TRHR: variants seen among roughly 807,000 people sequenced by gnomAD.
TRHR encodes thyrotropin-releasing hormone receptor.
Under a neutral mutation model 28.0 loss-of-function variants are expected in TRHR, and 14 were observed. The observed-to-expected ratio is 0.50, with a 90% CI of 0.33 to 0.78. TRHR has a LOEUF of 0.78. Ranked by LOEUF, TRHR falls within the 30% of genes least tolerant of loss-of-function variation. The pLI is 0.02. For synonymous variants in TRHR, 176 were observed against 171.9 expected, an observed-to-expected ratio of 1.02 and a Z score of -0.18; for missense variants, 438 against 469.5, an observed-to-expected ratio of 0.93 and a Z score of 0.62.
chr8:109,117,027 G>C lies in TRHR; in HGVS notation c.790-2021G>C, dbSNP rs994834254. ...CACTGACATTCCGTGAAAAGAGGCA[G>C]GTAGGTATTACTTGTGGATTCAACA... On this transcript the variant is annotated intron_variant, in intron 2 of 2. Coordinates refer to ENST00000518632, the MANE Select transcript of TRHR (RefSeq NM_003301.7). 2.6e-5 allele frequency among the ~76,000 whole-genome samples: 4 copies of C among 152,092 alleles called. No individual in the cohort carries two copies. In the East Asian group the frequency reaches 5.8e-4, roughly 22 times the overall value.
chr8:109,093,788 ACT>A (rs1811548985), intron 2 of TRHR, among the ~76,000 whole-genome samples: 3 of 151,830 alleles, frequency 2.0e-5, no homozygotes, highest in African/African-American at 7.3e-5. Context: ...ATAATGACCT[ACT>A]GCAAAATTTT....
rs1811961519 is a variant in TRHR, at chr8:109,119,063, G to A, written c.805G>A (p.Ala269Thr). Reference protein sequence around the residue: ...SSRKQVTKMLAVVVILFALLW... With the variant: ...SSRKQVTKMLTVVVILFALLW... ...TTCTCCCTAGGTCACCAAGATGCTG[G>A]CAGTGGTTGTAATTCTGTTTGCCCT... Residue 269 changes from alanine (A) to threonine (T), a missense_variant, in exon 3 of 3, where the codon GCA (alanine) becomes ACA (threonine). Ala to Thr is a moderately conservative substitution (Grantham distance 58). Coordinates refer to ENST00000518632, the MANE Select transcript of TRHR (RefSeq NM_003301.7). 6.2e-7 allele frequency: 1 copy of A among 1,612,586 alleles called. No homozygotes were observed. The highest frequency in any genetic ancestry group is 8.5e-7 in the Non-Finnish European group (1 of 1,179,042).
chr8:109,115,341 G>A (rs1338032414), intron 2 of TRHR, among the ~76,000 whole-genome samples: 3 of 152,138 alleles, frequency 2.0e-5, no homozygotes, highest in Non-Finnish European at 4.4e-5. Context: ...TTCCAGTTCT[G>A]TGAAGAAAGT....
chr8:109,087,907 A>C lies in TRHR; in HGVS notation c.395A>C (p.Lys132Thr). 1 of 1,614,174 alleles carries C rather than the reference A, an allele frequency of 6.2e-7. No individual in the cohort carries two copies. The highest frequency in any genetic ancestry group is 8.5e-7 in the Non-Finnish European group (1 of 1,180,036). Reference protein sequence around the residue: ...ERYIAICHPIKAQFLCTFSRA... With the variant: ...ERYIAICHPITAQFLCTFSRA... ...TACATAGCAATCTGTCACCCCATCA[A>C]AGCCCAGTTTCTCTGCACATTTTCC... Residue 132 changes from lysine (K) to threonine (T), a missense_variant, in exon 2 of 3, where the codon AAA becomes ACA. Coordinates refer to ENST00000518632, the MANE Select transcript of TRHR (RefSeq NM_003301.7).
At chr8:109,094,758 A>G (rs1363184874) in intron 2 of TRHR, among the ~76,000 whole-genome samples, 1 of 151,878 alleles carries the variant, frequency 6.6e-6, no homozygotes, top group East Asian at 2.0e-4. Context: ...TGAATAATTG[A>G]GCAATAATTT....
chr8:109,090,191 A>T (rs1337830947), intron 2 of TRHR, among the ~76,000 whole-genome samples: 2 of 152,224 alleles, frequency 1.3e-5, no homozygotes, highest in African/African-American at 4.8e-5. Context: ...AATATCCAAG[A>T]TCAGTGTAAG....
In TRHR at chr8:109,120,263, T is replaced by C. The variant is rs537163818; in HGVS notation, c.*808T>C. On this transcript the variant is annotated 3_prime_UTR_variant, in exon 3 of 3. Transcript: ENST00000518632. Reference sequence around the variant, plus strand: ...AACATACAATTAAATTTGAAAAGTATAGTCAAGACAAAGCAAGTATTTATA... The same window carrying C: ...AACATACAATTAAATTTGAAAAGTACAGTCAAGACAAAGCAAGTATTTATA... Among the ~76,000 whole-genome samples, 1 of 151,920 alleles carries C rather than the reference T, an allele frequency of 6.6e-6. No homozygotes were observed. Among genetic ancestry groups the C allele is most frequent in the Non-Finnish European group, 1.5e-5 (1 of 67,900 alleles).
intron 2 of TRHR, among the ~76,000 whole-genome samples, chr8:109,092,389 C>A (rs3134110): frequency 0.6 from 90,991 of 150,718 alleles, 27,613 homozygotes; most frequent in South Asian, 0.73. Context: ...GAAACAGAAA[C>A]AACTTTCCTT....
At position 109,120,006 on chromosome 8, in the gene TRHR, T is replaced by A. The variant is rs946252347; in HGVS notation, c.*551T>A. Among the ~76,000 whole-genome samples, 2 of 151,928 alleles carry A rather than the reference T, an allele frequency of 1.3e-5. No homozygotes were observed. Among genetic ancestry groups the A allele is most frequent in the African/African-American group, 4.8e-5 (2 of 41,420 alleles). The stretch of plus-strand genomic sequence containing the variant: ...TTTTAGACATACATGTTAACTGTAT[T>A]TTAAAAGTTGCCATAATGTTTATAA... On this transcript the variant is annotated 3_prime_UTR_variant, in exon 3 of 3. Coordinates refer to ENST00000518632, the MANE Select transcript of TRHR (RefSeq NM_003301.7).
At chr8:109,109,162 C>G (rs1253649415) in intron 2 of TRHR, among the ~76,000 whole-genome samples, 2 of 152,246 alleles carry the variant, frequency 1.3e-5, no homozygotes, top group East Asian at 1.9e-4. Context: ...GTTAGTTTTT[C>G]ATTCTCCCTG....
chr8:109,119,055 A>C lies in TRHR; in HGVS notation c.797A>C (p.Lys266Thr). Reference protein sequence around the residue: ...STVSSRKQVTKMLAVVVILFA... With the variant: ...STVSSRKQVTTMLAVVVILFA... ...CTCTCTATTTCTCCCTAGGTCACCA[A>C]GATGCTGGCAGTGGTTGTAATTCTG... The change falls in exon 3 of 3, where the codon AAG (lysine) becomes ACG (threonine). Residue 266 changes from lysine (K) to threonine (T), a missense_variant. Physicochemically the swap from Lys to Thr is moderately conservative, Grantham distance 78. Coordinates refer to ENST00000518632, the MANE Select transcript of TRHR (RefSeq NM_003301.7). 1 of 1,612,626 alleles carries C rather than the reference A, an allele frequency of 6.2e-7. No individual in the cohort carries two copies. Among genetic ancestry groups the C allele is most frequent in the Non-Finnish European group, 8.5e-7 (1 of 1,179,020 alleles).
In TRHR at chr8:109,120,389, A is replaced by C. The variant is rs1316619810; in HGVS notation, c.*934A>C. 6.6e-6 allele frequency among the ~76,000 whole-genome samples: 1 copy of C among 151,800 alleles called. No individual in the cohort carries two copies. Among genetic ancestry groups the C allele is most frequent in the Non-Finnish European group, 1.5e-5 (1 of 67,860 alleles). Reference sequence around the variant, plus strand: ...CCATGTCAAGCAAATCATTCAAGCAAAATCTAGCTGAAAAGTCTGAAACAT... The same window carrying C: ...CCATGTCAAGCAAATCATTCAAGCACAATCTAGCTGAAAAGTCTGAAACAT... On this transcript the variant is annotated 3_prime_UTR_variant, in exon 3 of 3. Coordinates refer to ENST00000518632, the MANE Select transcript of TRHR (RefSeq NM_003301.7).
rs549284053 is a variant in TRHR, at chr8:109,121,503, G to A, written c.*2048G>A. Among the ~76,000 whole-genome samples the A allele has an allele frequency of 3.3e-5, 5 of 151,742 alleles. No homozygotes were observed. In the East Asian group the frequency reaches 9.7e-4, roughly 30 times the overall value. ...ACAGCTGTAATTTCTCTGATGATTA[G>A]ACCAGTATTCCTGTGACCTAATTCC... On this transcript the variant is annotated 3_prime_UTR_variant, in exon 3 of 3. Coordinates refer to ENST00000518632, the MANE Select transcript of TRHR (RefSeq NM_003301.7).
At chr8:109,086,971 G>A (rs545164629) in intron 1 of TRHR, 88 bp downstream of exon 1, 1 of 161,876 alleles carries the variant, frequency 6.2e-6, no homozygotes, top group Admixed American at 5.9e-5. Flanking sequence ...TTATACCAAA[G>A]ACATCTCACC....
Position 109,117,428 on chromosome 8 carries a change from G to A in TRHR, c.790-1620G>A, listed in dbSNP as rs1178295337. Among the ~76,000 whole-genome samples the A allele has an allele frequency of 3.3e-5, 5 of 151,922 alleles. No homozygotes were observed. In the East Asian group the frequency reaches 7.8e-4, roughly 24 times the overall value. On this transcript the variant is annotated intron_variant, in intron 2 of 2. Transcript: ENST00000518632. ...TATTAAATAAGATAATGTTTATATG[G>A]CATTTTTCAGATTACTTGGGCCATC...
chr8:109,118,370 C>T (rs2129940138), intron 2 of TRHR, among the ~76,000 whole-genome samples: 1 of 151,972 alleles, frequency 6.6e-6, no homozygotes, highest in East Asian at 1.9e-4. Context: ...ACTGTTACCT[C>T]ATTTGATTTA....
At chr8:109,115,219 T>C (rs951971080) in intron 2 of TRHR, among the ~76,000 whole-genome samples, 5 of 152,070 alleles carry the variant, frequency 3.3e-5, no homozygotes, top group Middle Eastern at 6.8e-3. Flanking sequence ...TTACTGTAGC[T>C]TTGTAGTATA....
At chr8:109,107,063 T>TC (rs1477833649) in intron 2 of TRHR, among the ~76,000 whole-genome samples, 1 of 152,174 alleles carries the variant, frequency 6.6e-6, no homozygotes, top group African/African-American at 2.4e-5. Flanking sequence ...TATTAATGTC[T>TC]CAGAATCTGT....
chr8:109,093,298 AAT>A (rs1811541364), intron 2 of TRHR, among the ~76,000 whole-genome samples: 1 of 151,700 alleles, frequency 6.6e-6, no homozygotes, highest in African/African-American at 2.4e-5. Context: ...TCAGTCATAC[AAT>A]GCTCATGGAA....
Sources: allele counts gnomAD v4.1 joint callset (sites outside exome capture counted in the v4.1 genomes callset), GRCh38; gene constraint gnomAD v4.1.1; transcripts MANE v1.5; gene names NCBI Gene and HGNC (gene_info 2026-07-23, HGNC 2026-07-21).